Variants in DRAXIN observed in about 807,000 individuals in gnomAD.
The protein encoded by DRAXIN is dorsal repulsive axon guidance protein.
DRAXIN carries 27 observed loss-of-function variants against 33.9 expected under a neutral mutation model. That is an observed-to-expected ratio of 0.80 (90% CI 0.59 to 1.10). DRAXIN has a LOEUF of 1.10. DRAXIN is among the 50% of genes least tolerant of loss of function. The pLI is 0.00. For synonymous variants in DRAXIN, 178 were observed against 194.0 expected, an observed-to-expected ratio of 0.92 and a Z score of 0.69; for missense variants, 371 against 460.8, an observed-to-expected ratio of 0.81 and a Z score of 1.78.
upstream of DRAXIN, among the ~76,000 whole-genome samples, chr1:11,691,124 G>A (rs890832613): frequency 1.3e-5 from 2 of 152,184 alleles, no homozygotes; most frequent in African/African-American, 4.8e-5. Context: ...ACTTTCTGCG[G>A]CTACAAAGGC....
Position 11,725,049 on chromosome 1 carries a change from C to T in DRAXIN, c.*5353C>T, listed in dbSNP as rs572383203. 1.3e-5 allele frequency: 2 copies of T among 152,330 alleles called. No homozygotes were observed. The highest frequency in any genetic ancestry group is 2.1e-4 in the South Asian group (1 of 4,830). The allele number at this position is 152,330 out of a possible 1,614,324, so 9.4% of individuals were successfully genotyped here. On this transcript the variant is annotated 3_prime_UTR_variant, in exon 7 of 7. Transcript: ENST00000294485. ...TTCTGGGTGCAAGAGGCTTTCTAGA[C>T]CTTAGACACTCAAGATTACGGTCCC...
chr1:11,700,031 G>A (rs747140986), intron 1 of DRAXIN, among the ~76,000 whole-genome samples: 1 of 152,144 alleles, frequency 6.6e-6, no homozygotes, highest in Non-Finnish European at 1.5e-5. Flanking sequence ...GAGGTCAGGA[G>A]TTCAAGACCA....
rs766697735 is a variant in DRAXIN, at chr1:11,709,348, A to G, written c.525A>G (p.Ala175=). 1 of 1,613,984 alleles carries G rather than the reference A, an allele frequency of 6.2e-7. No individual in the cohort carries two copies. Among genetic ancestry groups the G allele is most frequent in the Non-Finnish European group, 8.5e-7 (1 of 1,179,932 alleles). The change falls in exon 3 of 7, where the codon GCA becomes GCG. Residue 175 remains alanine (A), a synonymous_variant. Coordinates refer to ENST00000294485, the MANE Select transcript of DRAXIN (RefSeq NM_198545.4). ...AELSEAQVLD[A]AMEESSTSLA... ...TCTCCGAAGCCCAGGTGCTGGATGC[A>G]GCCATGGAGGAATCCTCCACCAGCC...
upstream of DRAXIN, among the ~76,000 whole-genome samples, chr1:11,691,069 A>AT (rs1641053692): frequency 6.6e-6 from 1 of 152,098 alleles, no homozygotes; most frequent in Non-Finnish European, 1.5e-5. Context: ...GTACCCCTAC[A>AT]TCCAGGAGCG....
In DRAXIN at chr1:11,719,669, C is replaced by T; in HGVS notation, c.1023C>T (p.Gly341=). The change falls in exon 7 of 7, where the codon GGC becomes GGT. Residue 341 remains glycine, a synonymous_variant. Transcript: ENST00000294485. ...GRCVEPETAN[G]DQGSFINV is the part of the protein sequence containing the mutation. ...GTGTGGAGCCCGAGACGGCCAACGG[C>T]GACCAGGGATCCTTCATCAACGTCT... The T allele has an allele frequency of 6.2e-7, 1 of 1,614,076 alleles. No homozygotes were observed. The highest frequency in any genetic ancestry group is 1.1e-5 in the South Asian group (1 of 91,068).
chr1:11,706,388 C>T lies in DRAXIN; in HGVS notation c.130C>T (p.Leu44Phe), dbSNP rs563108371. 7 of 1,613,600 alleles carry T rather than the reference C, an allele frequency of 4.3e-6. No individual in the cohort carries two copies. In the African/African-American group the frequency reaches 5.3e-5, roughly 12 times the overall value. The change falls in exon 2 of 7, where the codon CTC (leucine) becomes TTC (phenylalanine). Residue 44 changes from leucine (L) to phenylalanine (F), a missense_variant. Transcript: ENST00000294485. This position sits in a 1 kb window ranked among gnomAD's most constrained non-coding sequence, Gnocchi z 5.5. ...ARNLPENHID[L>F]PGPALWTPQA... is the part of the protein sequence containing the mutation. ...GAACCTCCCTGAGAATCACATTGAC[C>T]TCCCAGGCCCAGCGCTGTGGACGCC...
At chr1:11,713,889 C>T (rs987307685) in intron 5 of DRAXIN, among the ~76,000 whole-genome samples, 3 of 151,958 alleles carry the variant, frequency 2.0e-5, no homozygotes, top group Admixed American at 6.6e-5. Flanking sequence ...AAAAATTAGC[C>T]GGGCATGGTG....
At chr1:11,707,669 C>G (rs756760462) in intron 2 of DRAXIN, among the ~76,000 whole-genome samples, 5 of 152,234 alleles carry the variant, frequency 3.3e-5, no homozygotes, top group Non-Finnish European at 5.9e-5. Context: ...CATCGCTTGC[C>G]TACCGCTCCT....
At chr1:11,713,614 T>A (rs1474914102) in intron 5 of DRAXIN, among the ~76,000 whole-genome samples, 1 of 151,748 alleles carries the variant, frequency 6.6e-6, no homozygotes, top group East Asian at 1.9e-4. Context: ...TGAGACCGGG[T>A]GCAGTGGCTC....
chr1:11,712,821 T>G lies in DRAXIN; in HGVS notation c.847+392T>G, dbSNP rs145697266. Among the ~76,000 whole-genome samples the G allele has an allele frequency of 3.9e-3, 586 of 151,842 alleles. 1 individual carries two copies. The highest frequency in any genetic ancestry group is 5.9e-3 in the Non-Finnish European group (400 of 67,962). ...GGATGAGGCAGGAGAATCAATCGCT[T>G]GAACCTGCAAGGCAGAGGTTGCAGT... On this transcript the variant is annotated intron_variant, in intron 5 of 6. Coordinates refer to ENST00000294485, the MANE Select transcript of DRAXIN (RefSeq NM_198545.4).
At position 11,695,267 on chromosome 1, in the gene DRAXIN, A is replaced by G. The variant is rs150605393; in HGVS notation, c.-11+3414A>G. Among the ~76,000 whole-genome samples, 3 of 152,240 alleles carry G rather than the reference A, an allele frequency of 2.0e-5. No individual in the cohort carries two copies. In the East Asian group the frequency reaches 5.8e-4, roughly 29 times the overall value. ...ATGTTCCTACACAGCCATTGTTGCT[A>G]TTACCATCTGAAAAATATTATCCAC... On this transcript the variant is annotated intron_variant, in intron 1 of 6. Transcript: ENST00000294485.
rs775953497 is a variant in DRAXIN, at chr1:11,711,966, G to T, written c.757+1G>T. 3 of 1,610,958 alleles carry T rather than the reference G, an allele frequency of 1.9e-6. No individual in the cohort carries two copies. Among genetic ancestry groups the T allele is most frequent in the East Asian group, 2.2e-5 (1 of 44,828 alleles). On this transcript the variant is annotated splice_donor_variant, in intron 4 of 6. Transcript: ENST00000294485. LOFTEE classifies it high-confidence loss of function. ...GGTTGGCCCTCTGCAAAGAAGAAAG[G>T]TATGCCCACCTACCCCACTATCTTC...
At chr1:11,715,277 C>A in intron 6 of DRAXIN, 69 bp downstream of exon 6, 1 of 1,590,082 alleles carries the variant, frequency 6.3e-7, no homozygotes, top group Non-Finnish European at 8.6e-7. Flanking sequence ...TTTCTCGAAG[C>A]GGCTTCTGCA....
rs1641684097 is a variant in DRAXIN, at chr1:11,723,396, G to C, written c.*3700G>C. ...TCCCAGGTAACTTCAGGTGCAGCTGGGGCGGAGAGTCTCTGCTCTCCCCTT... is the reference window on the plus strand; with the variant it reads ...TCCCAGGTAACTTCAGGTGCAGCTGCGGCGGAGAGTCTCTGCTCTCCCCTT... On this transcript the variant is annotated 3_prime_UTR_variant, in exon 7 of 7. Coordinates refer to ENST00000294485, the MANE Select transcript of DRAXIN (RefSeq NM_198545.4). 1.3e-5 allele frequency: 2 copies of C among 152,130 alleles called. No individual in the cohort carries two copies. Among genetic ancestry groups the C allele is most frequent in the African/African-American group, 4.8e-5 (2 of 41,416 alleles). The allele number at this position is 152,130 out of a possible 1,614,324, so 9.4% of individuals were successfully genotyped here.
chr1:11,716,656 AT>A (rs1284090404), intron 6 of DRAXIN, among the ~76,000 whole-genome samples: 2 of 152,138 alleles, frequency 1.3e-5, no homozygotes, highest in African/African-American at 4.8e-5. Flanking sequence ...AATTTTTAAA[AT>A]TGTGGACTTT....
Position 11,699,182 on chromosome 1 carries a change from C to T in DRAXIN, c.-10-7067C>T, listed in dbSNP as rs72869777. 8.5e-3 allele frequency among the ~76,000 whole-genome samples: 1,299 copies of T among 152,298 alleles called. 23 individuals are homozygous for T. The highest frequency in any genetic ancestry group is 0.029 in the African/African-American group (1,224 of 41,552). The stretch of plus-strand genomic sequence containing the variant: ...CCTTTGGGACCACCTAATCCAATGG[C>T]CCAGTGGTCCTCCTCCCCTACTCCC... On this transcript the variant is annotated intron_variant, in intron 1 of 6. Coordinates refer to ENST00000294485, the MANE Select transcript of DRAXIN (RefSeq NM_198545.4).
intron 6 of DRAXIN, among the ~76,000 whole-genome samples, chr1:11,716,233 G>T (rs1009864306): frequency 4.6e-5 from 7 of 152,160 alleles, no homozygotes; most frequent in African/African-American, 1.7e-4. Context: ...AGTCTAATGA[G>T]CGCCCATTTC....
At chr1:11,710,900 C>T (rs1323444939) in intron 3 of DRAXIN, among the ~76,000 whole-genome samples, 9 of 117,070 alleles carry the variant, frequency 7.7e-5, no homozygotes, top group East Asian at 2.7e-4. Context: ...CCAGCCTGGG[C>T]GACAGAGTGA....
chr1:11,698,907 A>C (rs1641231235), intron 1 of DRAXIN, among the ~76,000 whole-genome samples: 1 of 152,180 alleles, frequency 6.6e-6, no homozygotes, highest in South Asian at 2.1e-4. Flanking sequence ...AGAGACATAA[A>C]ACCTGAGATG....
Sources: gnomAD v4.1 joint callset for allele counts (sites outside exome capture counted in the v4.1 genomes callset) on GRCh38, gnomAD v4.1.1 for gene constraint, Gnocchi (gnomAD v3.1) non-coding constraint, MANE v1.5 for transcripts, NCBI Gene and HGNC (gene_info 2026-07-23, HGNC 2026-07-21) for gene names.